The following ZRANB3 variants were observed in gnomAD, a reference collection of about 807,000 sequenced individuals.
ZRANB3 encodes the protein zinc finger RANBP2-type containing 3.
Under a neutral mutation model 133.8 loss-of-function variants are expected in ZRANB3, and 125 were observed. The ratio of observed to expected loss-of-function variants is 0.93; its 90% CI spans 0.81 to 1.08. The LOEUF is 1.08. Among genes scored for constraint, ZRANB3 ranks in the 50% least tolerant of loss-of-function variants. The probability of loss-of-function intolerance (pLI) is 0.00; values close to 1 mark genes in which losing one functional copy is unlikely to be tolerated. For missense variants in ZRANB3, 1,229 were observed against 1,275.5 expected (o/e 0.96, Z 0.56); for synonymous variants, 387 against 432.7 (o/e 0.89, Z 1.31).
At chr2:135,361,655 A>C (rs996405597) in intron 3 of ZRANB3, among the ~76,000 whole-genome samples, 13 of 152,222 alleles carry the variant, frequency 8.5e-5, no homozygotes, top group African/African-American at 3.1e-4. Flanking sequence ...TCTTTAAAAT[A>C]GGTGGCCTGT....
At chr2:135,340,200 A>G (rs1573938785) in intron 6 of ZRANB3, among the ~76,000 whole-genome samples, 2 of 148,138 alleles carry the variant, frequency 1.4e-5, no homozygotes, top group South Asian at 4.2e-4. Flanking sequence ...CCGCCTCCTC[A>G]GTTCTAGTGA....
rs200526449 is a variant in ZRANB3, at chr2:135,260,810, G to GTA, written c.1539+4722_1539+4723dup. 3.0e-3 allele frequency among the ~76,000 whole-genome samples: 421 copies of GTA among 141,586 alleles called. 2 individuals carry two copies. The highest frequency in any genetic ancestry group is 0.01 in the African/African-American group (389 of 38,696). The allele number at this position is 141,586 out of a possible 152,430, so 92.9% of individuals were successfully genotyped here. On this transcript the variant is annotated intron_variant, in intron 12 of 20. Coordinates refer to ENST00000264159, the MANE Select transcript of ZRANB3 (RefSeq NM_032143.4). Reference sequence around the variant, plus strand: ...TATACTATATATATTCAAGTTTATAGTATATATATACTATATATTCTATAT... The same window carrying GTA: ...TATACTATATATATTCAAGTTTATAGTATATATATATACTATATATTCTATAT...
At chr2:135,464,365 G>A (rs1172447184) in intron 2 of ZRANB3, among the ~76,000 whole-genome samples, 1 of 152,124 alleles carries the variant, frequency 6.6e-6, no homozygotes, top group Non-Finnish European at 1.5e-5. Flanking sequence ...GAAGCAATGT[G>A]GAGGCACAGG....
intron 2 of ZRANB3, among the ~76,000 whole-genome samples, chr2:135,484,850 A>G (rs1490304107): frequency 4.6e-5 from 7 of 151,862 alleles, no homozygotes; most frequent in African/African-American, 1.7e-4. Flanking sequence ...CCTGGTCAAT[A>G]CAGTGAAACC....
chr2:135,476,100 T>C (rs1486822408), intron 2 of ZRANB3, among the ~76,000 whole-genome samples: 1 of 151,868 alleles, frequency 6.6e-6, no homozygotes, highest in Non-Finnish European at 1.5e-5. Flanking sequence ...AGAAAAAAAA[T>C]TAAAATGTTT....
intron 2 of ZRANB3, among the ~76,000 whole-genome samples, chr2:135,431,247 G>C (rs925793863): frequency 6.6e-6 from 1 of 151,516 alleles, no homozygotes; most frequent in African/African-American, 2.4e-5. Context: ...ATCCATGATC[G>C]CACCACTGCA....
intron 3 of ZRANB3, among the ~76,000 whole-genome samples, chr2:135,389,223 G>A (rs1452238147): frequency 1.3e-5 from 2 of 152,070 alleles, no homozygotes; most frequent in Non-Finnish European, 2.9e-5. Flanking sequence ...TTCTTCACTG[G>A]CAATGACTCT....
chr2:135,204,398 C>G (rs1343084386), intron 19 of ZRANB3, among the ~76,000 whole-genome samples: 1 of 152,040 alleles, frequency 6.6e-6, no homozygotes, highest in Non-Finnish European at 1.5e-5. Flanking sequence ...AGCCCCCACT[C>G]TGACAGACTC....
chr2:135,354,374 G>A (rs777131491), intron 3 of ZRANB3, among the ~76,000 whole-genome samples: 1 of 152,144 alleles, frequency 6.6e-6, no homozygotes, highest in Non-Finnish European at 1.5e-5. Context: ...TGCAAAACTC[G>A]TATGAGATCC....
At chr2:135,272,945 A>G (rs1382511196) in intron 9 of ZRANB3, among the ~76,000 whole-genome samples, 1 of 151,992 alleles carries the variant, frequency 6.6e-6, no homozygotes. Context: ...GCACTTTGGG[A>G]GGCCGAGGAG....
At chr2:135,247,272 T>C (rs548937510) in intron 12 of ZRANB3, among the ~76,000 whole-genome samples, 1 of 152,314 alleles carries the variant, frequency 6.6e-6, no homozygotes, top group Admixed American at 6.5e-5. Context: ...AGAGTCTGTT[T>C]TCAAAGGAGA....
intron 2 of ZRANB3, among the ~76,000 whole-genome samples, chr2:135,413,115 A>G (rs1481756349): frequency 6.6e-6 from 1 of 152,192 alleles, no homozygotes; most frequent in Non-Finnish European, 1.5e-5. Context: ...GCTGCTTCAC[A>G]TAAAGCTTTT....
At chr2:135,378,875 G>A (rs1686553391) in intron 3 of ZRANB3, among the ~76,000 whole-genome samples, 1 of 152,180 alleles carries the variant, frequency 6.6e-6, no homozygotes, top group Non-Finnish European at 1.5e-5. Flanking sequence ...AACAGTGTGT[G>A]AGAAATTGTT....
chr2:135,468,209 AG>A (rs1691084935), intron 2 of ZRANB3, among the ~76,000 whole-genome samples: 1 of 152,226 alleles, frequency 6.6e-6, no homozygotes, highest in African/African-American at 2.4e-5. Flanking sequence ...AAAAGCAAGA[AG>A]AAACATGCTT....
intron 12 of ZRANB3, among the ~76,000 whole-genome samples, chr2:135,264,792 C>T (rs1680144487): frequency 6.6e-6 from 1 of 150,852 alleles, no homozygotes; most frequent in African/African-American, 2.4e-5. Context: ...TATCGCCCAG[C>T]CTGGAGTGCA....
chr2:135,459,286 T>C (rs1269152862), intron 2 of ZRANB3, among the ~76,000 whole-genome samples: 1 of 152,184 alleles, frequency 6.6e-6, no homozygotes, highest in African/African-American at 2.4e-5. Context: ...CATGAGATAT[T>C]TGGGGCTACA....
At chr2:135,417,961 G>A (rs1233391973) in intron 2 of ZRANB3, among the ~76,000 whole-genome samples, 1 of 152,114 alleles carries the variant, frequency 6.6e-6, no homozygotes, top group African/African-American at 2.4e-5. Context: ...GGACTGTTGT[G>A]GGGTGGGGGA....
chr2:135,448,457 T>C (rs1278001539), intron 2 of ZRANB3, among the ~76,000 whole-genome samples: 1 of 152,186 alleles, frequency 6.6e-6, no homozygotes, highest in Non-Finnish European at 1.5e-5. Flanking sequence ...GATATTTCAG[T>C]TGAACAACAG....
At chr2:135,472,370 T>A (rs1426781931) in intron 2 of ZRANB3, among the ~76,000 whole-genome samples, 1 of 152,000 alleles carries the variant, frequency 6.6e-6, no homozygotes, top group African/African-American at 2.4e-5. Flanking sequence ...CATGGCGGCA[T>A]GTGCCTGTAG....
Sources: gnomAD v4.1 joint callset for allele counts (sites outside exome capture counted in the v4.1 genomes callset) on GRCh38, gnomAD v4.1.1 for gene constraint, MANE v1.5 for transcripts, NCBI Gene and HGNC (gene_info 2026-07-23, HGNC 2026-07-21) for gene names.